Variants in SLC1A2 observed in about 807,000 individuals in gnomAD.
SLC1A2 encodes solute carrier family 1 member 2, also known as excitatory amino acid transporter 2.
A neutral mutation model predicts 48.8 loss-of-function variants in SLC1A2; 15 were observed. That is an observed-to-expected ratio of 0.31 (90% CI 0.21 to 0.47). The LOEUF (loss-of-function observed/expected upper bound fraction) is 0.47, where lower values mean the gene tolerates loss of function less well. SLC1A2 is among the 20% of genes least tolerant of loss of function. The probability of loss-of-function intolerance (pLI) is 0.99; values close to 1 mark genes in which losing one functional copy is unlikely to be tolerated. For missense variants in SLC1A2, 502 were observed against 730.5 expected, an observed-to-expected ratio of 0.69 and a Z score of 3.61; for synonymous variants, 279 against 272.6, an observed-to-expected ratio of 1.02 and a Z score of -0.23.
intron 1 of SLC1A2, among the ~76,000 whole-genome samples, chr11:35,323,844 T>A (rs545792192): frequency 2.0e-5 from 3 of 152,336 alleles, no homozygotes; most frequent in Admixed American, 2.0e-4. Flanking sequence ...TGGGTTGGGA[T>A]GAAATTCAGT....
At chr11:35,365,274 T>A (rs1346319929) in intron 1 of SLC1A2, among the ~76,000 whole-genome samples, 10 of 152,312 alleles carry the variant, frequency 6.6e-5, no homozygotes, top group Admixed American at 5.9e-4. Context: ...GCAACTCCTC[T>A]AAGTGCCTCC....
intron 10 of SLC1A2, chr11:35,261,866 G>A (rs1417582703): frequency 2.0e-5 from 8 of 396,584 alleles, no homozygotes; most frequent in African/African-American, 1.6e-4. Context: ...CAACATGCTA[G>A]GAACAGAAAA....
chr11:35,331,555 G>A (rs1225432755), intron 1 of SLC1A2, among the ~76,000 whole-genome samples: 1 of 152,212 alleles, frequency 6.6e-6, no homozygotes. Flanking sequence ...CTTCTTAAGA[G>A]AAGAATGTAT....
intron 1 of SLC1A2, among the ~76,000 whole-genome samples, chr11:35,359,486 G>A (rs1398819154): frequency 2.0e-5 from 3 of 152,256 alleles, no homozygotes; most frequent in Admixed American, 6.5e-5. Context: ...CTGTCCTATC[G>A]ACTGCTGTCA....
chr11:35,358,037 T>C (rs1017743235), intron 1 of SLC1A2, among the ~76,000 whole-genome samples: 1 of 151,796 alleles, frequency 6.6e-6, no homozygotes, highest in Non-Finnish European at 1.5e-5. Context: ...CCCAGCTACT[T>C]GGGAGGCTAA....
At chr11:35,360,057 G>A (rs186975720) in intron 1 of SLC1A2, 6 of 984,518 alleles carry the variant, frequency 6.1e-6, no homozygotes, top group East Asian at 1.1e-4. Flanking sequence ...CCATTCTCTC[G>A]GCTCCAGGAA....
chr11:35,359,843 C>A (rs920112173), intron 1 of SLC1A2, among the ~76,000 whole-genome samples: 1 of 152,234 alleles, frequency 6.6e-6, no homozygotes, highest in African/African-American at 2.4e-5. Flanking sequence ...AGATCTCATT[C>A]ACAGGAGCGA....
intron 9 of SLC1A2, among the ~76,000 whole-genome samples, chr11:35,269,289 G>A (rs1185763469): frequency 2.6e-5 from 4 of 152,128 alleles, no homozygotes; most frequent in African/African-American, 9.7e-5. Context: ...CTGTTTATAC[G>A]CCACCTACCT....
chr11:35,406,326 T>C (rs1855292146), intron 1 of SLC1A2, among the ~76,000 whole-genome samples: 1 of 152,042 alleles, frequency 6.6e-6, no homozygotes, highest in Non-Finnish European at 1.5e-5. Context: ...ACTTTGTAGA[T>C]ACAAACAGAC....
chr11:35,353,480 C>T (rs1302114737), intron 1 of SLC1A2, among the ~76,000 whole-genome samples: 1 of 152,194 alleles, frequency 6.6e-6, no homozygotes, highest in African/African-American at 2.4e-5. Flanking sequence ...CTAGACTGTA[C>T]CCTTCTTGAG....
rs1204757263 is a variant in SLC1A2, at chr11:35,255,922, G to A, written c.*4972C>T. Reference sequence around the variant, plus strand: ...GAATTTAATTTCTCCCAAAGGAGATGAGAAAAATCTAAATTGATTATTCAT... The same window carrying A: ...GAATTTAATTTCTCCCAAAGGAGATAAGAAAAATCTAAATTGATTATTCAT... On this transcript the variant is annotated 3_prime_UTR_variant, in exon 11 of 11. Transcript: ENST00000278379. 1.3e-5 allele frequency: 2 copies of A among 152,176 alleles called. No homozygotes were observed. Among genetic ancestry groups the A allele is most frequent in the African/African-American group, 4.8e-5 (2 of 41,436 alleles). 9.4% of individuals were successfully genotyped at this position (152,176 alleles called of 1,614,324 possible).
chr11:35,277,892 G>C (rs1006809472), intron 9 of SLC1A2, among the ~76,000 whole-genome samples: 2 of 152,030 alleles, frequency 1.3e-5, no homozygotes, highest in Non-Finnish European at 2.9e-5. Flanking sequence ...TTTCCCTTTT[G>C]TCCCCCTTCC....
At chr11:35,329,330 C>T (rs947795647) in intron 1 of SLC1A2, among the ~76,000 whole-genome samples, 1 of 152,134 alleles carries the variant, frequency 6.6e-6, no homozygotes, top group South Asian at 2.1e-4. Flanking sequence ...GAATGTACAA[C>T]ACCAAGAGCC....
intron 1 of SLC1A2, among the ~76,000 whole-genome samples, chr11:35,362,128 G>C (rs1853702398): frequency 6.6e-6 from 1 of 152,180 alleles, no homozygotes; most frequent in Admixed American, 6.5e-5. Context: ...CGGGCCAGGG[G>C]ACTCTCCAAA....
At chr11:35,381,239 T>C (rs527426684) in intron 1 of SLC1A2, among the ~76,000 whole-genome samples, 3 of 152,184 alleles carry the variant, frequency 2.0e-5, no homozygotes, top group African/African-American at 7.2e-5. Flanking sequence ...TTTCCTACAG[T>C]GGTCAGCCCA....
chr11:35,277,617 A>C (rs527314930), intron 9 of SLC1A2, among the ~76,000 whole-genome samples: 33 of 152,344 alleles, frequency 2.2e-4, no homozygotes, highest in Admixed American at 1.9e-3. Flanking sequence ...AAATAAGCCC[A>C]AGAAAAAAAT....
In SLC1A2 at chr11:35,306,238, T is replaced by C. The variant is rs1259236745; in HGVS notation, c.566A>G (p.Gln189Arg). Residue 189 changes from glutamine to arginine, a missense_variant, in exon 5 of 11, where the codon CAA becomes CGA. Physicochemically the swap from Gln to Arg is conservative, Grantham distance 43 (BLOSUM62 1). Around this residue, in one of 4 missense-constraint regions of SLC1A2, gnomAD observed 309 missense variants for 480.3 expected, o/e 0.64. Transcript: ENST00000278379. ...NLVQACFQQI[Q>R]TVTKKVLVAP... ...AACCAGGACTTTCTTCGTCACTGTTTGAATCTAACAGAGTGAGGGAAAAAA... is the reference window on the plus strand; with the variant it reads ...AACCAGGACTTTCTTCGTCACTGTTCGAATCTAACAGAGTGAGGGAAAAAA... The C allele has an allele frequency of 1.6e-5, 26 of 1,612,814 alleles. No homozygotes were observed. Among genetic ancestry groups the C allele is most frequent in the Non-Finnish European group, 2.0e-5 (23 of 1,179,304 alleles).
At chr11:35,393,657 C>G (rs187798223) in intron 1 of SLC1A2, among the ~76,000 whole-genome samples, 2 of 152,178 alleles carry the variant, frequency 1.3e-5, no homozygotes, top group Non-Finnish European at 1.5e-5. Flanking sequence ...GGCATTCAGA[C>G]AAAATGTGAA....
intron 6 of SLC1A2, among the ~76,000 whole-genome samples, chr11:35,296,921 C>T (rs1379442288): frequency 2.6e-5 from 4 of 152,174 alleles, no homozygotes; most frequent in African/African-American, 9.7e-5. Flanking sequence ...TTCCCTCTCT[C>T]CCTTTCCTAG....
Sources: gnomAD v4.1 joint callset for allele counts (sites outside exome capture counted in the v4.1 genomes callset) on GRCh38, gnomAD v4.1.1 for gene constraint, gnomAD v4.1.1 regional missense constraint, MANE v1.5 for transcripts, NCBI Gene and HGNC (gene_info 2026-07-23, HGNC 2026-07-21) for gene names.